LLGL1: variants seen among roughly 807,000 people sequenced by gnomAD.
LLGL1 encodes LLGL scribble cell polarity complex component 1, also known as lethal(2) giant larvae protein homolog 1.
In LLGL1, 58 loss-of-function variants were observed where a neutral mutation model predicts 110.6. The ratio of observed to expected loss-of-function variants is 0.52; its 90% CI spans 0.42 to 0.65. The LOEUF (loss-of-function observed/expected upper bound fraction) is 0.65. LLGL1 is among the 30% of genes least tolerant of loss of function. The pLI is 0.00. For missense variants in LLGL1, 1,229 were observed against 1,462.1 expected, an observed-to-expected ratio of 0.84 and a Z score of 2.60; for synonymous variants, 674 against 607.2, an observed-to-expected ratio of 1.11 and a Z score of -1.62.
intron 2 of LLGL1, among the ~76,000 whole-genome samples, chr17:18,231,890 C>T (rs965361598): frequency 6.6e-6 from 1 of 152,176 alleles, no homozygotes; most frequent in Non-Finnish European, 1.5e-5. Flanking sequence ...CAACTCCTGA[C>T]CTTGTGATCT....
In LLGL1 at chr17:18,234,043, A is replaced by C. The variant is rs1464577498; in HGVS notation, c.582A>C (p.Ala194=). ...SVPDDYRCGK[A]LGPVESLQGH... is the part of the protein sequence containing the mutation. Reference sequence around the variant, plus strand: ...CAGACGACTACCGCTGTGGGAAGGCACTGGGCCCCGTGGAGTCACTCCAGG... The same window carrying C: ...CAGACGACTACCGCTGTGGGAAGGCCCTGGGCCCCGTGGAGTCACTCCAGG... The change falls in exon 6 of 23, where the codon GCA becomes GCC. Residue 194 remains alanine, a synonymous_variant. Coordinates refer to ENST00000316843, the MANE Select transcript of LLGL1 (RefSeq NM_004140.4). The C allele has an allele frequency of 1.6e-5, 25 of 1,598,202 alleles. No homozygotes were observed. The highest frequency in any genetic ancestry group is 2.1e-5 in the Non-Finnish European group (25 of 1,169,358).
chr17:18,234,947 C>G lies in LLGL1; in HGVS notation c.1014C>G (p.Ser338=), dbSNP rs1414870108. The G allele has an allele frequency of 6.2e-7, 1 of 1,614,004 alleles. No homozygotes were observed. The highest frequency in any genetic ancestry group is 8.5e-7 in the Non-Finnish European group (1 of 1,180,012). ...CATTGGTGACGCTGGACTTCACTTCCCGCATCATCGACTTCTTCACAGTGC... is the reference window on the plus strand; with the variant it reads ...CATTGGTGACGCTGGACTTCACTTCGCGCATCATCGACTTCTTCACAGTGC... The part of the protein sequence containing the change: ...AETLVTLDFT[S]RIIDFFTVHS... The change falls in exon 9 of 23, where the codon TCC becomes TCG. Residue 338 remains serine, a synonymous_variant. Coordinates refer to ENST00000316843, the MANE Select transcript of LLGL1 (RefSeq NM_004140.4).
In LLGL1 at chr17:18,233,827, A is replaced by G. The variant is rs2290505; in HGVS notation, c.442A>G (p.Ser148Gly). 0.77 allele frequency: 1,237,948 copies of G among 1,613,666 alleles called. 475,616 individuals carry two copies. Among genetic ancestry groups the G allele is most frequent in the African/African-American group, 0.84 (63,104 of 74,988 alleles). Residue 148 changes from serine (S) to glycine (G), a missense_variant, in exon 5 of 23, where the codon AGC (serine) becomes GGC (glycine). Coordinates refer to ENST00000316843, the MANE Select transcript of LLGL1 (RefSeq NM_004140.4). The part of the protein sequence containing the change: ...RVTVVLLVAA[S>G]DIAALGTEGS... ...CACAGTGGTCCTGCTGGTGGCTGCC[A>G]GCGACATAGCAGCCCTGGGCACTGA...
chr17:18,237,092 A>T, intron 13 of LLGL1, 153 bp downstream of exon 13: 2 of 664,382 alleles, frequency 3.0e-6, no homozygotes, highest in South Asian at 3.7e-5. Flanking sequence ...GTGAGGACAG[A>T]TGGGAAGTGG....
chr17:18,231,697 G>A (rs1162809169), intron 2 of LLGL1, among the ~76,000 whole-genome samples: 1 of 152,142 alleles, frequency 6.6e-6, no homozygotes, highest in Non-Finnish European at 1.5e-5. Flanking sequence ...CTTGCTCTTT[G>A]TTGCCCAGGC....
rs1179903661 is a variant in LLGL1 at position 18,244,724 on chromosome 17, GGGGGGGGGGGCA to G, written c.*829_*840del. On this transcript the variant is annotated 3_prime_UTR_variant, in exon 23 of 23. Coordinates refer to ENST00000316843, the MANE Select transcript of LLGL1 (RefSeq NM_004140.4). ...CCTAGTCAGGTGTGTGTGTCCGGCG[GGGGGGGGGGGCA>G]GGGGGGGGGGTCAAGATGAGTTTCC... 26 of 111,458 alleles carry G rather than the reference GGGGGGGGGGGCA, an allele frequency of 2.3e-4. 4 individuals are homozygous for G. The highest frequency in any genetic ancestry group is 2.2e-3 in the East Asian group (8 of 3,558). 6.9% of individuals were successfully genotyped at this position (111,458 alleles called of 1,614,324 possible).
At chr17:18,239,092 T>A (rs1358442926) in intron 16 of LLGL1, among the ~76,000 whole-genome samples, 1 of 151,938 alleles carries the variant, frequency 6.6e-6, no homozygotes, top group African/African-American at 2.4e-5. Context: ...TGGTAAAGGA[T>A]TTTTGAGTGA....
Position 18,233,745 on chromosome 17 carries a change from G to C in LLGL1, c.393-33G>C, listed in dbSNP as rs781191177. The C allele has an allele frequency of 1.9e-6, 3 of 1,593,122 alleles. No homozygotes were observed. In the East Asian group the frequency reaches 6.7e-5, roughly 36 times the overall value. On this transcript the variant is annotated intron_variant, in intron 4 of 22. Transcript: ENST00000316843. ...CCCACCTGAGCAGGTGGATGGGCTT[G>C]TACCCTCACTCCCTTCCCCTTGTTC... is the stretch of plus-strand genomic sequence containing the variant.
chr17:18,241,878 C>T lies in LLGL1; in HGVS notation c.2768-7C>T. 1 of 1,611,416 alleles carries T rather than the reference C, an allele frequency of 6.2e-7. No homozygotes were observed. Among genetic ancestry groups the T allele is most frequent in the Non-Finnish European group, 8.5e-7 (1 of 1,177,526 alleles). ...TAACTGCACTCCTCATTCTTCTGCC[C>T]ACCCAGGCTTTTACCTGATATCCCC... is the stretch of plus-strand genomic sequence containing the variant. On this transcript the variant is annotated splice_polypyrimidine_tract_variant and splice_region_variant and intron_variant, in intron 18 of 22. Transcript: ENST00000316843.
chr17:18,239,387 A>G (rs1361161827), intron 16 of LLGL1, among the ~76,000 whole-genome samples: 1 of 152,132 alleles, frequency 6.6e-6, no homozygotes, highest in Non-Finnish European at 1.5e-5. Context: ...GAACTTGTAC[A>G]ATGGGAGAGT....
rs2047957400 is a variant in LLGL1, at chr17:18,244,736, A to AGGGGGGTGGGGG, written c.*836_*837insTGGGGGGGGGGG. On this transcript the variant is annotated 3_prime_UTR_variant, in exon 23 of 23. Transcript: ENST00000316843. ...TGTGTGTCCGGCGGGGGGGGGGGGCAGGGGGGGGGGTCAAGATGAGTTTCC... is the reference window on the plus strand; with the variant it reads ...TGTGTGTCCGGCGGGGGGGGGGGGCAGGGGGGTGGGGGGGGGGGGGGGTCAAGATGAGTTTCC... 9.8e-5 allele frequency: 1 copy of AGGGGGGTGGGGG among 10,212 alleles called. No homozygotes were observed. Among genetic ancestry groups the AGGGGGGTGGGGG allele is most frequent in the African/African-American group, 3.4e-4 (1 of 2,942 alleles). 0.6% of individuals were successfully genotyped at this position (10,212 alleles called of 1,614,324 possible). A position where few individuals can be genotyped will look rare whatever the true frequency, so the allele number is the denominator to read the frequency against.
intron 16 of LLGL1, among the ~76,000 whole-genome samples, chr17:18,238,943 G>A (rs541147841): frequency 1.2e-4 from 19 of 152,170 alleles, no homozygotes; most frequent in East Asian, 3.9e-4. Context: ...CGTGGGAGGC[G>A]GAGGTTGCAG....
At chr17:18,225,846 T>A in intron 1 of LLGL1, 83 bp downstream of exon 1, 3 of 302,728 alleles carry the variant, frequency 9.9e-6, no homozygotes, top group Non-Finnish European at 1.4e-5. Flanking sequence ...CGGAGCCACG[T>A]CGGGCCCGGG....
chr17:18,228,180 G>A (rs1356546715), intron 1 of LLGL1, among the ~76,000 whole-genome samples: 1 of 152,250 alleles, frequency 6.6e-6, no homozygotes, highest in East Asian at 1.9e-4. Context: ...ATAGACTGTA[G>A]TTGGGATGGT....
In LLGL1 at chr17:18,244,668, T is replaced by G. The variant is rs1170543625; in HGVS notation, c.*762T>G. The G allele has an allele frequency of 7.9e-6, 1 of 126,178 alleles. No homozygotes were observed. Among genetic ancestry groups the G allele is most frequent in the African/African-American group, 3.1e-5 (1 of 31,896 alleles). 7.8% of individuals were successfully genotyped at this position (126,178 alleles called of 1,614,324 possible). ...GTGTGTGTGCGGGCATGGATGTGAC[T>G]GGGAGCTCTGCTGGGCACCCACATC... On this transcript the variant is annotated 3_prime_UTR_variant, in exon 23 of 23. Transcript: ENST00000316843.
At chr17:18,241,250 C>G (rs995117558) in intron 17 of LLGL1, 2 of 645,384 alleles carry the variant, frequency 3.1e-6, no homozygotes, top group Non-Finnish European at 5.3e-6. Context: ...TGTCACAGAT[C>G]GAGAGAGGGC....
intron 15 of LLGL1, 47 bp from the exon 16 acceptor site, chr17:18,238,409 C>T: frequency 6.3e-7 from 1 of 1,581,990 alleles, no homozygotes. Flanking sequence ...AGGATGCAAG[C>T]CACTGGGGTG....
At chr17:18,226,568 C>A (rs2047449063) in intron 1 of LLGL1, among the ~76,000 whole-genome samples, 1 of 152,276 alleles carries the variant, frequency 6.6e-6, no homozygotes, top group South Asian at 2.1e-4. Flanking sequence ...TACTACACTG[C>A]ACTTCGCATC....
Position 18,233,415 on chromosome 17 carries a change from C to T in LLGL1, c.393-363C>T, listed in dbSNP as rs1030321939. 4.6e-5 allele frequency among the ~76,000 whole-genome samples: 7 copies of T among 152,094 alleles called. No homozygotes were observed. In the East Asian group the frequency reaches 5.8e-4, roughly 13 times the overall value. ...GATGGGGGTATCTGGGGCCCTCCTG[C>T]GAAGTCAGGAGATGTCTGAGCGCTG... is the stretch of plus-strand genomic sequence containing the variant. On this transcript the variant is annotated intron_variant, in intron 4 of 22. Transcript: ENST00000316843.
Sources: allele counts gnomAD v4.1 joint callset (sites outside exome capture counted in the v4.1 genomes callset), GRCh38; gene constraint gnomAD v4.1.1; transcripts MANE v1.5; gene names NCBI Gene and HGNC (gene_info 2026-07-23, HGNC 2026-07-21).